Variants in THRB observed in about 807,000 individuals in gnomAD.
THRB encodes the protein nuclear receptor subfamily 1 group A member 2.
Under a neutral mutation model 47.8 loss-of-function variants are expected in THRB, and 12 were observed. That is an observed-to-expected ratio of 0.25 (90% CI 0.16 to 0.41). The LOEUF (loss-of-function observed/expected upper bound fraction) is 0.41, where lower values mean the gene tolerates loss of function less well. THRB is among the 10% of genes least tolerant of loss of function. The pLI is 1.00. For synonymous variants in THRB, 218 were observed against 212.2 expected, an observed-to-expected ratio of 1.03 and a Z score of -0.24; for missense variants, 348 against 589.2, an observed-to-expected ratio of 0.59 and a Z score of 4.24.
chr3:24,406,491 G>A (rs972177051), intron 1 of THRB, among the ~76,000 whole-genome samples: 3 of 151,478 alleles, frequency 2.0e-5, no homozygotes, highest in Non-Finnish European at 4.4e-5. Context: ...TGTGGTCATG[G>A]TTTGTTATTG....
chr3:24,244,222 A>G (rs2049880986), intron 3 of THRB, among the ~76,000 whole-genome samples: 1 of 152,186 alleles, frequency 6.6e-6, no homozygotes, highest in Non-Finnish European at 1.5e-5. Flanking sequence ...CCAGTGAACT[A>G]TATATTTTCA....
At chr3:24,375,619 G>A (rs2065229854) in intron 1 of THRB, among the ~76,000 whole-genome samples, 2 of 150,496 alleles carry the variant, frequency 1.3e-5, no homozygotes, top group South Asian at 2.1e-4. Context: ...ATGCTAAAAT[G>A]TCCTTTAAAG....
intron 8 of THRB, among the ~76,000 whole-genome samples, chr3:24,135,848 A>ATATATATATATATATATAT (rs1559422669): frequency 4.6e-5 from 2 of 43,580 alleles, no homozygotes; most frequent in African/African-American, 1.4e-4. Flanking sequence ...TATATATATA[A>ATATATATATATATATATAT]TACATAAATA....
chr3:24,273,978 A>C (rs560549595), intron 3 of THRB, among the ~76,000 whole-genome samples: 4 of 152,328 alleles, frequency 2.6e-5, no homozygotes, highest in South Asian at 4.1e-4. Flanking sequence ...ATGTTGTGAT[A>C]GCATAAATAT....
rs2031797717 is a variant in THRB, at chr3:24,122,131, A to T, written c.*753T>A. 6.5e-6 allele frequency: 1 copy of T among 152,804 alleles called. No individual in the cohort carries two copies. Among genetic ancestry groups the T allele is most frequent in the South Asian group, 2.1e-4 (1 of 4,834 alleles). 9.5% of individuals were successfully genotyped at this position (152,804 alleles called of 1,614,324 possible). On this transcript the variant is annotated 3_prime_UTR_variant, in exon 11 of 11. Transcript: ENST00000646209. ...TCCTACTGTGAGGTAATACTATGTG[A>T]ATTTTTGGAAACCATGCAGTCACTG... is the stretch of plus-strand genomic sequence containing the variant.
intron 4 of THRB, among the ~76,000 whole-genome samples, chr3:24,198,194 A>G (rs1252749446): frequency 6.6e-6 from 1 of 152,164 alleles, no homozygotes; most frequent in African/African-American, 2.4e-5. Context: ...ATGCCATGAG[A>G]CTTGTAAATT....
intron 1 of THRB, among the ~76,000 whole-genome samples, chr3:24,447,778 G>A (rs1022865798): frequency 6.6e-6 from 1 of 151,986 alleles, no homozygotes; most frequent in Middle Eastern, 3.4e-3. Flanking sequence ...ATGTGTCAGG[G>A]GTCAGTGCTC....
At chr3:24,263,593 C>A (rs576309576) in intron 3 of THRB, among the ~76,000 whole-genome samples, 3 of 149,212 alleles carry the variant, frequency 2.0e-5, no homozygotes, top group African/African-American at 7.4e-5. Context: ...AGATAGTAAA[C>A]TTCATGTGGA....
At chr3:24,294,597 T>C (rs371971026) in intron 3 of THRB, among the ~76,000 whole-genome samples, 12 of 152,186 alleles carry the variant, frequency 7.9e-5, no homozygotes, top group Non-Finnish European at 1.3e-4. Context: ...GATGTGGCTG[T>C]GTGAACATAT....
At chr3:24,255,824 C>T (rs942381642) in intron 3 of THRB, among the ~76,000 whole-genome samples, 1 of 152,154 alleles carries the variant, frequency 6.6e-6, no homozygotes, top group African/African-American at 2.4e-5. Context: ...TATCCTAAGT[C>T]AGAAAAGGTT....
At chr3:24,154,923 TGA>T (rs1001176459) in intron 5 of THRB, among the ~76,000 whole-genome samples, 4 of 152,208 alleles carry the variant, frequency 2.6e-5, no homozygotes, top group Admixed American at 2.6e-4. Flanking sequence ...GAACCAATTG[TGA>T]TACACTTGAA....
intron 5 of THRB, among the ~76,000 whole-genome samples, chr3:24,178,282 C>T (rs934303799): frequency 4.6e-5 from 7 of 152,086 alleles, no homozygotes; most frequent in South Asian, 2.1e-4. Context: ...GAACAAACAC[C>T]GTATCATACA....
chr3:24,211,394 G>A (rs1419971422), intron 4 of THRB, among the ~76,000 whole-genome samples: 1 of 152,168 alleles, frequency 6.6e-6, no homozygotes, highest in Non-Finnish European at 1.5e-5. Flanking sequence ...GAAACTTCCT[G>A]TTCCCTCAAC....
At chr3:24,151,382 C>T (rs539033169) in intron 6 of THRB, among the ~76,000 whole-genome samples, 1 of 151,712 alleles carries the variant, frequency 6.6e-6, no homozygotes, top group African/African-American at 2.4e-5. Context: ...GTTGGAGAAG[C>T]GGAAGAAGAG....
chr3:24,414,727 T>C (rs1175611117), intron 1 of THRB, among the ~76,000 whole-genome samples: 5 of 151,882 alleles, frequency 3.3e-5, no homozygotes, highest in African/African-American at 1.2e-4. Context: ...TTCAGCTGTA[T>C]TCTGGAGAGA....
chr3:24,294,873 G>A (rs2056312554), intron 3 of THRB, among the ~76,000 whole-genome samples: 1 of 152,220 alleles, frequency 6.6e-6, no homozygotes, highest in African/African-American at 2.4e-5. Context: ...CTTAATGCTA[G>A]CAGCATGCTG....
intron 1 of THRB, among the ~76,000 whole-genome samples, chr3:24,380,041 T>C (rs1028043837): frequency 4.0e-5 from 6 of 151,104 alleles, no homozygotes; most frequent in Admixed American, 3.3e-4. Context: ...TCTTATGATG[T>C]TCTTATAAAT....
intron 1 of THRB, among the ~76,000 whole-genome samples, chr3:24,416,664 T>C (rs543764610): frequency 2.0e-5 from 3 of 152,048 alleles, no homozygotes; most frequent in Admixed American, 2.0e-4. Flanking sequence ...AACCTCGTTC[T>C]ATCCCTGAAT....
intron 6 of THRB, 64 bp downstream of exon 6, chr3:24,152,326 G>C (rs960547812): frequency 2.3e-6 from 2 of 853,380 alleles, no homozygotes; most frequent in Non-Finnish European, 4.1e-6. Flanking sequence ...TTGCATTCTG[G>C]AAGAGGACTG....
Sources: gnomAD v4.1 joint callset for allele counts (sites outside exome capture counted in the v4.1 genomes callset) on GRCh38, gnomAD v4.1.1 for gene constraint, MANE v1.5 for transcripts, NCBI Gene and HGNC (gene_info 2026-07-23, HGNC 2026-07-21) for gene names.